The following SPTA1 variants were observed in gnomAD, a reference collection of about 807,000 sequenced individuals.
SPTA1 encodes spectrin alpha, erythrocytic 1.
SPTA1 carries 177 observed loss-of-function variants against 324.7 expected under a neutral mutation model. The ratio of observed to expected loss-of-function variants is 0.55; its 90% CI spans 0.48 to 0.62. The LOEUF (loss-of-function observed/expected upper bound fraction) is 0.62, where lower values mean the gene tolerates loss of function less well. Ranked by LOEUF, SPTA1 falls within the 20% of genes least tolerant of loss-of-function variation. SPTA1 has a pLI of 0.00. For synonymous variants in SPTA1, 1,195 were observed against 1,041.3 expected (o/e 1.15, Z -2.84); for missense variants, 3,162 against 2,883.6 (o/e 1.10, Z -2.21).
At position 158,653,291 on chromosome 1, in the gene SPTA1, C is replaced by T. The variant is rs35078963; in HGVS notation, c.3171G>A (p.Gln1057=). 3,643 of 1,614,112 alleles carry T rather than the reference C, an allele frequency of 2.3e-3. 62 individuals carry two copies. In the African/African-American group the frequency reaches 0.042, roughly 19 times the overall value. The change falls in exon 22 of 52, where the codon CAG becomes CAA. Residue 1057 remains glutamine (Q), a synonymous_variant. Transcript: ENST00000643759. ...REEPGNITQR[Q]EQIENQYRSL... ...GAACTTACTGGTTCTCAATCTGCTC[C>T]TGGCGCTGGGTGATGTTTCCTGGCT...
chr1:158,619,155 T>A, intron 45 of SPTA1, 67 bp downstream of exon 45: 1 of 1,432,614 alleles, frequency 7.0e-7, no homozygotes, highest in Non-Finnish European at 9.9e-7. Context: ...CCTTCAAACA[T>A]GTATTTCATC....
At chr1:158,657,824 T>C in intron 18 of SPTA1, 130 bp from the exon 19 acceptor site, 1 of 928,948 alleles carries the variant, frequency 1.1e-6, no homozygotes. Flanking sequence ...CGTTATATTT[T>C]TCTTGAGTTA....
At position 158,674,575 on chromosome 1, in the gene SPTA1, C is replaced by T. The variant is rs1654270742; in HGVS notation, c.1213G>A (p.Gly405Arg). ...ADELPTDVAG[G>R]EVLLDRHQQH... ...TGATGCCTGTCCAGCAGAACTTCTC[C>T]ACCAGCCACATCTGTTGGCAGCTCA... Residue 405 changes from glycine to arginine, a missense_variant, in exon 9 of 52, where the codon GGA (glycine) becomes AGA (arginine). Transcript: ENST00000643759. 1.9e-6 allele frequency: 3 copies of T among 1,614,052 alleles called. No individual in the cohort carries two copies. Among genetic ancestry groups the T allele is most frequent in the African/African-American group, 1.3e-5 (1 of 74,940 alleles).
chr1:158,631,732 T>A (rs1172129975), intron 39 of SPTA1, among the ~76,000 whole-genome samples: 1 of 152,136 alleles, frequency 6.6e-6, no homozygotes, highest in Non-Finnish European at 1.5e-5. Context: ...AAAATGCAAA[T>A]TAAACCATAA....
chr1:158,635,192 A>G (rs905073557), intron 38 of SPTA1, among the ~76,000 whole-genome samples: 2 of 152,100 alleles, frequency 1.3e-5, no homozygotes, highest in African/African-American at 4.8e-5. Flanking sequence ...ATCCCTATGT[A>G]TCAGGGGAGG....
At chr1:158,632,821 T>C (rs370031550) in intron 39 of SPTA1, among the ~76,000 whole-genome samples, 4 of 150,118 alleles carry the variant, frequency 2.7e-5, no homozygotes, top group African/African-American at 9.8e-5. Flanking sequence ...GTGATTGGGG[T>C]CCTGTACATT....
At chr1:158,676,807 G>A (rs1341042286) in intron 7 of SPTA1, among the ~76,000 whole-genome samples, 1 of 152,104 alleles carries the variant, frequency 6.6e-6, no homozygotes. Flanking sequence ...GGCAAAATGT[G>A]GATATGGGTG....
At chr1:158,638,926 G>A (rs567168325) in intron 35 of SPTA1, among the ~76,000 whole-genome samples, 1 of 151,982 alleles carries the variant, frequency 6.6e-6, no homozygotes, top group Admixed American at 6.6e-5. Context: ...ATTCTTAGCT[G>A]CCCATTGAAC....
At chr1:158,640,256 T>C (rs895233987) in intron 33 of SPTA1, among the ~76,000 whole-genome samples, 1 of 152,090 alleles carries the variant, frequency 6.6e-6, no homozygotes, top group Non-Finnish European at 1.5e-5. Flanking sequence ...CAAAAAACTA[T>C]TGGCAGAAGG....
chr1:158,649,387 C>T (rs755166040), intron 25 of SPTA1, among the ~76,000 whole-genome samples: 1 of 152,218 alleles, frequency 6.6e-6, no homozygotes, highest in Non-Finnish European at 1.5e-5. Flanking sequence ...TCAAGTGATC[C>T]TCCCAGCTCA....
chr1:158,685,024 A>T, intron 2 of SPTA1, 84 bp downstream of exon 2: 3 of 1,537,140 alleles, frequency 2.0e-6, no homozygotes, highest in Non-Finnish European at 2.7e-6. Context: ...ACACATACCC[A>T]TTAACATTAA....
At position 158,620,413 on chromosome 1, in the gene SPTA1, C is replaced by A; in HGVS notation, c.6174G>T (p.Trp2058Cys). ...FAHKASALNN[W>C]CEKMEENLSE... is the part of the protein sequence containing the mutation. The stretch of plus-strand genomic sequence containing the variant: ...ACAAGTTTTCTTCCATCTTTTCACA[C>A]CAGTTGTTCAAAGCTGAAGCCTTAT... Residue 2058 changes from tryptophan (W) to cysteine (C), a missense_variant, in exon 44 of 52, where the codon TGG becomes TGT. By Grantham distance (215) the Trp-to-Cys change is radical. Coordinates refer to ENST00000643759, the MANE Select transcript of SPTA1 (RefSeq NM_003126.4). 1 of 1,613,738 alleles carries A rather than the reference C, an allele frequency of 6.2e-7. No individual in the cohort carries two copies. The highest frequency in any genetic ancestry group is 8.5e-7 in the Non-Finnish European group (1 of 1,180,024).
At chr1:158,622,788 T>C in intron 43 of SPTA1, 195 bp downstream of exon 43, 1 of 568,044 alleles carries the variant, frequency 1.8e-6, no homozygotes, top group South Asian at 2.0e-5. Flanking sequence ...ATGCAACTAA[T>C]CAATCAATCT....
At chr1:158,630,073 C>A (rs1427781617) in intron 39 of SPTA1, among the ~76,000 whole-genome samples, 1 of 151,788 alleles carries the variant, frequency 6.6e-6, no homozygotes, top group Non-Finnish European at 1.5e-5. Flanking sequence ...TGAATACTAC[C>A]CAAAGTGATG....
intron 10 of SPTA1, among the ~76,000 whole-genome samples, chr1:158,672,541 A>C (rs1390540537): frequency 6.6e-6 from 1 of 152,210 alleles, no homozygotes; most frequent in Non-Finnish European, 1.5e-5. Flanking sequence ...AATGAACTGC[A>C]AATAATTTTT....
In SPTA1 at chr1:158,611,090, T is replaced by C. The variant is rs571654703; in HGVS notation, c.*174A>G. On this transcript the variant is annotated 3_prime_UTR_variant, in exon 52 of 52. Transcript: ENST00000643759. ...TTTCTATCTCCCACCCTTGAGATTT[T>C]TTAAGATCCTACAATAAATGTAATA... 2.2e-6 allele frequency: 2 copies of C among 894,540 alleles called. No individual in the cohort carries two copies. Among genetic ancestry groups the C allele is most frequent in the Non-Finnish European group, 3.4e-6 (2 of 589,838 alleles). The allele number at this position is 894,540 out of a possible 1,614,324, so 55.4% of individuals were successfully genotyped here.
chr1:158,633,134 G>A (rs1650801916), intron 39 of SPTA1, among the ~76,000 whole-genome samples: 1 of 152,166 alleles, frequency 6.6e-6, no homozygotes, highest in African/African-American at 2.4e-5. Context: ...TTATAGAAAT[G>A]TAGAACAGAT....
At chr1:158,671,570 A>T in intron 11 of SPTA1, 117 bp from the exon 12 acceptor site, 2 of 768,790 alleles carry the variant, frequency 2.6e-6, no homozygotes, top group Admixed American at 2.0e-5. Context: ...ATTAGCACAC[A>T]TTATGATAAT....
At chr1:158,653,004 T>C (rs747516138) in intron 22 of SPTA1, among the ~76,000 whole-genome samples, 84 of 152,320 alleles carry the variant, frequency 5.5e-4, no homozygotes, top group Non-Finnish European at 4.3e-4. Flanking sequence ...GTCAGGAGAC[T>C]TTAATAACCT....
Sources: gnomAD v4.1 joint callset for allele counts (sites outside exome capture counted in the v4.1 genomes callset) on GRCh38, gnomAD v4.1.1 for gene constraint, MANE v1.5 for transcripts, NCBI Gene and HGNC (gene_info 2026-07-23, HGNC 2026-07-21) for gene names.